UQCC1: variants seen among roughly 807,000 people sequenced by gnomAD.
The protein encoded by UQCC1 is bFGF-repressed Zic-binding protein.
Under a neutral mutation model 48.0 loss-of-function variants are expected in UQCC1, and 38 were observed. That is an observed-to-expected ratio of 0.79 (90% CI 0.61 to 1.04). UQCC1 has a LOEUF of 1.04. Ranked by LOEUF, UQCC1 falls within the 50% of genes least tolerant of loss-of-function variation. UQCC1 has a pLI of 0.00. For missense variants in UQCC1, 368 were observed against 381.8 expected, an observed-to-expected ratio of 0.96 and a Z score of 0.30; for synonymous variants, 111 against 129.2, an observed-to-expected ratio of 0.86 and a Z score of 0.95.
intron 5 of UQCC1, among the ~76,000 whole-genome samples, chr20:35,371,451 C>T (rs1445919276): frequency 1.3e-5 from 2 of 150,986 alleles, no homozygotes; most frequent in African/African-American, 4.9e-5. Context: ...GATTCTCCTG[C>T]CTTGGCCTCC....
chr20:35,348,095 T>G (rs117110107), intron 6 of UQCC1, among the ~76,000 whole-genome samples: 1 of 152,228 alleles, frequency 6.6e-6, no homozygotes, highest in African/African-American at 2.4e-5. Context: ...ATCTGGTTTT[T>G]GTCAACATTT....
At chr20:35,354,379 A>G (rs1042694589) in intron 6 of UQCC1, among the ~76,000 whole-genome samples, 10 of 147,340 alleles carry the variant, frequency 6.8e-5, no homozygotes, top group Admixed American at 1.4e-4. Context: ...CCTGAAAATA[A>G]AAGGAGGGCA....
At chr20:35,376,826 G>C (rs2061807075) in intron 4 of UQCC1, among the ~76,000 whole-genome samples, 2 of 152,136 alleles carry the variant, frequency 1.3e-5, no homozygotes, top group South Asian at 2.1e-4. Context: ...AGCTGGGTGT[G>C]GTGGTACGCG....
At chr20:35,366,437 A>C in intron 6 of UQCC1, 120 bp downstream of exon 6, 1 of 784,816 alleles carries the variant, frequency 1.3e-6, no homozygotes, top group Non-Finnish European at 2.1e-6. Context: ...TGAAAGGAAC[A>C]GTTTTTAACA....
At chr20:35,367,115 A>AC (rs2061678972) in intron 5 of UQCC1, among the ~76,000 whole-genome samples, 1 of 142,080 alleles carries the variant, frequency 7.0e-6, no homozygotes, top group Non-Finnish European at 1.6e-5. Flanking sequence ...AAAAACAAAC[A>AC]AAAAAACAAC....
At chr20:35,374,977 A>G (rs2061779726) in intron 4 of UQCC1, among the ~76,000 whole-genome samples, 1 of 152,286 alleles carries the variant, frequency 6.6e-6, no homozygotes, top group Admixed American at 6.5e-5. Context: ...AAAATAAATT[A>G]TTTAAGAGTT....
intron 1 of UQCC1, among the ~76,000 whole-genome samples, chr20:35,396,454 T>C (rs1052406191): frequency 2.6e-5 from 4 of 151,876 alleles, no homozygotes; most frequent in African/African-American, 7.3e-5. Flanking sequence ...GACTAAAGGC[T>C]TGCATAGCTG....
intron 6 of UQCC1, among the ~76,000 whole-genome samples, chr20:35,356,448 GAA>G (rs11475597): frequency 1.3e-5 from 2 of 150,634 alleles, no homozygotes; most frequent in Non-Finnish European, 3.0e-5. Flanking sequence ...AAGAAAGAAA[GAA>G]AAAAAAAACT....
chr20:35,357,353 T>G (rs1352762157), intron 6 of UQCC1, among the ~76,000 whole-genome samples: 1 of 152,234 alleles, frequency 6.6e-6, no homozygotes, highest in Admixed American at 6.5e-5. Context: ...AAACCACATC[T>G]CTACTAAAAA....
chr20:35,306,451 C>T, intron 9 of UQCC1: 1 of 541,506 alleles, frequency 1.8e-6, no homozygotes, highest in South Asian at 2.0e-5. Flanking sequence ...TACTCGATGC[C>T]TCTTTCTCTC....
At chr20:35,324,092 AAAAT>A (rs1443688938) in intron 7 of UQCC1, among the ~76,000 whole-genome samples, 2 of 152,352 alleles carry the variant, frequency 1.3e-5, no homozygotes, top group East Asian at 3.9e-4. Flanking sequence ...TCATTTCTAA[AAAAT>A]AAATAAATAA....
At chr20:35,410,683 C>T (rs6088826) in intron 1 of UQCC1, among the ~76,000 whole-genome samples, 27,915 of 69,006 alleles carry the variant, frequency 0.4, 3,871 homozygotes, top group Middle Eastern at 0.53. Flanking sequence ...CCAGCTTCGG[C>T]GACAGAGCAA....
At chr20:35,398,077 T>A (rs141393612) in intron 1 of UQCC1, among the ~76,000 whole-genome samples, 1 of 152,180 alleles carries the variant, frequency 6.6e-6, no homozygotes, top group Admixed American at 6.5e-5. Context: ...CAATGTCACA[T>A]AGTTCTAACA....
chr20:35,367,092 T>TAAAAAAAAAAA (rs72469122), intron 5 of UQCC1, among the ~76,000 whole-genome samples: 1 of 101,768 alleles, frequency 9.8e-6, no homozygotes, highest in Non-Finnish European at 2.0e-5. Context: ...AGACTCTGTC[T>TAAAAAAAAAAA]AAAAAAAAAA....
rs760482911 is a variant in UQCC1, at chr20:35,324,350, G to A, written c.574-9585C>T. ...TTTTTTTTCTTTTTCTTTTTGAGAC[G>A]CAGTCTTGCACTCTTGCCCAGGCTG... is the stretch of plus-strand genomic sequence containing the variant. On this transcript the variant is annotated intron_variant, in intron 7 of 9. Coordinates refer to ENST00000374385, the MANE Select transcript of UQCC1 (RefSeq NM_018244.5). 3.9e-4 allele frequency among the ~76,000 whole-genome samples: 60 copies of A among 151,956 alleles called. 1 individual carries two copies. The highest frequency in any genetic ancestry group is 1.6e-4 in the Non-Finnish European group (11 of 67,982).
intron 8 of UQCC1, among the ~76,000 whole-genome samples, chr20:35,313,281 CAGA>C (rs1163053107): frequency 1.4e-5 from 2 of 144,152 alleles, no homozygotes; most frequent in African/African-American, 5.2e-5. Context: ...GAGGCTGAGG[CAGA>C]AGAATGGCGT....
chr20:35,348,771 A>G (rs1052716411), intron 6 of UQCC1, among the ~76,000 whole-genome samples: 2 of 152,180 alleles, frequency 1.3e-5, no homozygotes, highest in Admixed American at 1.3e-4. Context: ...CTCCTGCCTC[A>G]GCCTCCTGTG....
chr20:35,359,136 T>C (rs2061578551), intron 6 of UQCC1, among the ~76,000 whole-genome samples: 1 of 152,202 alleles, frequency 6.6e-6, no homozygotes, highest in Non-Finnish European at 1.5e-5. Flanking sequence ...AATCCTGCCT[T>C]ATAGAAAATA....
At chr20:35,377,761 G>A (rs2061819053) in intron 4 of UQCC1, among the ~76,000 whole-genome samples, 1 of 152,142 alleles carries the variant, frequency 6.6e-6, no homozygotes, top group Non-Finnish European at 1.5e-5. Flanking sequence ...CTGGAGACTT[G>A]CCTTCAAGGC....
Sources: gnomAD v4.1 joint callset for allele counts (sites outside exome capture counted in the v4.1 genomes callset) on GRCh38, gnomAD v4.1.1 for gene constraint, MANE v1.5 for transcripts, NCBI Gene and HGNC (gene_info 2026-07-23, HGNC 2026-07-21) for gene names.